The following TRPM3 variants were observed in gnomAD, a reference collection of about 807,000 sequenced individuals.
TRPM3 encodes the protein transient receptor potential cation channel subfamily M member 3.
In TRPM3, 77 loss-of-function variants were observed where a neutral mutation model predicts 181.2. That is an observed-to-expected ratio of 0.42 (90% CI 0.35 to 0.51). The LOEUF is 0.51. Ranked by LOEUF, TRPM3 falls within the 20% of genes least tolerant of loss-of-function variation. TRPM3 has a pLI of 0.01. For synonymous variants in TRPM3, 745 were observed against 796.4 expected (o/e 0.94, Z 1.09); for missense variants, 1,759 against 2,196.7 (o/e 0.80, Z 3.98).
At chr9:71,312,077 T>C (rs1434578524) in intron 1 of TRPM3, among the ~76,000 whole-genome samples, 2 of 152,148 alleles carry the variant, frequency 1.3e-5, no homozygotes, top group Non-Finnish European at 2.9e-5. Context: ...CTGGGATTCA[T>C]TAAAATTTAA....
chr9:70,590,041 G>A (rs934558963), intron 22 of TRPM3, among the ~76,000 whole-genome samples: 11 of 152,270 alleles, frequency 7.2e-5, no homozygotes, highest in African/African-American at 1.7e-4. Context: ...GGGCTCAGAC[G>A]GCTGGCCTGT....
chr9:71,365,199 A>T (rs2092295687), intron 1 of TRPM3, among the ~76,000 whole-genome samples: 1 of 152,224 alleles, frequency 6.6e-6, no homozygotes, highest in African/African-American at 2.4e-5. Flanking sequence ...TGAACAAATG[A>T]AGTCTACCTA....
intron 1 of TRPM3, among the ~76,000 whole-genome samples, chr9:71,088,615 T>C (rs2065676126): frequency 6.6e-6 from 1 of 152,082 alleles, no homozygotes; most frequent in African/African-American, 2.4e-5. Context: ...TGTCTGTGCC[T>C]ACCAAGAAGC....
In TRPM3 at chr9:71,074,330, T is replaced by C. The variant is rs540026367; in HGVS notation, c.177+46848A>G. Among the ~76,000 whole-genome samples, 6 of 152,324 alleles carry C rather than the reference T, an allele frequency of 3.9e-5. No individual in the cohort carries two copies. In the East Asian group the frequency reaches 9.6e-4, roughly 24 times the overall value. ...ATTTCCTGTTAAAGATCTTTGCTTATTCCTGTTCATCTAATATTTATTTTA... is the reference window on the plus strand; with the variant it reads ...ATTTCCTGTTAAAGATCTTTGCTTACTCCTGTTCATCTAATATTTATTTTA... On this transcript the variant is annotated intron_variant, in intron 1 of 25. Coordinates refer to ENST00000677713, the MANE Select transcript of TRPM3 (RefSeq NM_001366145.2).
At chr9:71,391,746 CT>C (rs2093068092) in intron 1 of TRPM3, among the ~76,000 whole-genome samples, 1 of 152,020 alleles carries the variant, frequency 6.6e-6, no homozygotes, top group African/African-American at 2.4e-5. Flanking sequence ...GTAGTAATTC[CT>C]TATGGTTCAA....
At chr9:71,436,122 T>G (rs1486385984) in intron 1 of TRPM3, among the ~76,000 whole-genome samples, 1 of 152,058 alleles carries the variant, frequency 6.6e-6, no homozygotes, top group Non-Finnish European at 1.5e-5. Context: ...TCACAAAATC[T>G]GATGGGTTTA....
intron 1 of TRPM3, among the ~76,000 whole-genome samples, chr9:71,423,205 G>C (rs1469663121): frequency 6.6e-6 from 1 of 151,994 alleles, no homozygotes; most frequent in Non-Finnish European, 1.5e-5. Flanking sequence ...GTTTGTAGCA[G>C]ATTTTCACTT....
chr9:70,895,536 T>C (rs2096269168), intron 1 of TRPM3, among the ~76,000 whole-genome samples: 1 of 152,216 alleles, frequency 6.6e-6, no homozygotes, highest in Non-Finnish European at 1.5e-5. Flanking sequence ...TCCCATATTT[T>C]ATGAAAAGAT....
intron 1 of TRPM3, among the ~76,000 whole-genome samples, chr9:71,336,456 C>T (rs894024957): frequency 2.6e-5 from 4 of 152,078 alleles, no homozygotes; most frequent in African/African-American, 9.7e-5. Flanking sequence ...TAAGAGAGGA[C>T]ACAAACAAAT....
At chr9:70,781,813 G>A (rs768904018) in intron 7 of TRPM3, among the ~76,000 whole-genome samples, 96 of 151,850 alleles carry the variant, frequency 6.3e-4, no homozygotes, top group Non-Finnish European at 1.3e-3. Context: ...AGCAGGAAGG[G>A]CAATCTAAGT....
chr9:71,186,883 G>C (rs1168690320), intron 1 of TRPM3, among the ~76,000 whole-genome samples: 4 of 151,902 alleles, frequency 2.6e-5, no homozygotes, highest in Admixed American at 6.6e-5. Flanking sequence ...TGAACAAATG[G>C]GAGCATGTCA....
intron 1 of TRPM3, among the ~76,000 whole-genome samples, chr9:71,081,652 T>A (rs1468714222): frequency 6.6e-6 from 1 of 152,142 alleles, no homozygotes; most frequent in Non-Finnish European, 1.5e-5. Flanking sequence ...AAAAATGCTT[T>A]ATGCCATTGT....
intron 6 of TRPM3, among the ~76,000 whole-genome samples, chr9:70,820,680 T>C (rs1025427660): frequency 2.6e-5 from 4 of 152,192 alleles, no homozygotes; most frequent in Non-Finnish European, 5.9e-5. Context: ...TCAATGTTTT[T>C]GAACTGCCAC....
At position 71,044,477 on chromosome 9, in the gene TRPM3, C is replaced by T. The variant is rs149121495; in HGVS notation, c.177+76701G>A. Reference sequence around the variant, plus strand: ...TCTTGTATGTTCAGCTTCCAGTCGTCTTTCACTTTAGTTCTTTCTAGTTAT... The same window carrying T: ...TCTTGTATGTTCAGCTTCCAGTCGTTTTTCACTTTAGTTCTTTCTAGTTAT... On this transcript the variant is annotated intron_variant, in intron 1 of 25. Transcript: ENST00000677713. 1.0e-3 allele frequency among the ~76,000 whole-genome samples: 155 copies of T among 152,320 alleles called. 1 individual carries two copies. The highest frequency in any genetic ancestry group is 3.1e-3 in the Admixed American group (47 of 15,306).
At chr9:70,963,422 A>T (rs754812379) in intron 1 of TRPM3, among the ~76,000 whole-genome samples, 1 of 152,176 alleles carries the variant, frequency 6.6e-6, no homozygotes, top group Non-Finnish European at 1.5e-5. Context: ...GGGGTGCAAC[A>T]TCAAATTTTA....
At chr9:71,070,385 A>G (rs1014377171) in intron 1 of TRPM3, among the ~76,000 whole-genome samples, 9 of 152,226 alleles carry the variant, frequency 5.9e-5, no homozygotes, top group African/African-American at 2.2e-4. Context: ...AGGACTGTTC[A>G]AGAGCAGAGA....
chr9:71,288,360 A>G (rs1279718258), intron 1 of TRPM3, among the ~76,000 whole-genome samples: 12 of 152,232 alleles, frequency 7.9e-5, no homozygotes, highest in Non-Finnish European at 5.9e-5. Context: ...CTGTTTACAC[A>G]TAGCATTATT....
chr9:71,120,889 G>A (rs1190498121), intron 1 of TRPM3, among the ~76,000 whole-genome samples: 1 of 151,796 alleles, frequency 6.6e-6, no homozygotes, highest in African/African-American at 2.4e-5. Context: ...TCTGTTTTAG[G>A]AATGGTTAAA....
In TRPM3 at chr9:71,051,641, C is replaced by T. The variant is rs142222066; in HGVS notation, c.177+69537G>A. Among the ~76,000 whole-genome samples, 182 of 152,234 alleles carry T rather than the reference C, an allele frequency of 1.2e-3. 2 individuals are homozygous for T. The highest frequency in any genetic ancestry group is 1.2e-3 in the South Asian group (6 of 4,824). On this transcript the variant is annotated intron_variant, in intron 1 of 25. Coordinates refer to ENST00000677713, the MANE Select transcript of TRPM3 (RefSeq NM_001366145.2). Reference sequence around the variant, plus strand: ...AGTCTTATTGTACATTCCAAATGTGCTCTGAATATTCAGGCCAAAATATTA... The same window carrying T: ...AGTCTTATTGTACATTCCAAATGTGTTCTGAATATTCAGGCCAAAATATTA...
Sources: allele counts gnomAD v4.1 joint callset (sites outside exome capture counted in the v4.1 genomes callset), GRCh38; gene constraint gnomAD v4.1.1; transcripts MANE v1.5; gene names NCBI Gene and HGNC (gene_info 2026-07-23, HGNC 2026-07-21).